Variants in KCNQ5 observed in about 807,000 individuals in gnomAD.
The protein encoded by KCNQ5 is potassium voltage-gated channel subfamily Q member 5, also known as potassium voltage-gated channel subfamily KQT member 5.
KCNQ5 carries 30 observed loss-of-function variants against 98.2 expected under a neutral mutation model. The ratio of observed to expected loss-of-function variants is 0.31; its 90% confidence interval spans 0.23 to 0.41. KCNQ5 has a LOEUF of 0.41. KCNQ5 is among the 10% of genes least tolerant of loss of function. KCNQ5 has a pLI of 1.00. For synonymous variants in KCNQ5, 458 were observed against 449.4 expected (o/e 1.02, Z -0.24); for missense variants, 835 against 1,182.5 (o/e 0.71, Z 4.31).
At chr6:72,771,164 T>A (rs1400053730) in intron 1 of KCNQ5, among the ~76,000 whole-genome samples, 1 of 151,960 alleles carries the variant, frequency 6.6e-6, no homozygotes, top group Non-Finnish European at 1.5e-5. Context: ...GCATGCAGAT[T>A]TAACTGTGGC....
intron 1 of KCNQ5, among the ~76,000 whole-genome samples, chr6:72,643,277 G>T (rs983956821): frequency 6.6e-6 from 1 of 152,004 alleles, no homozygotes; most frequent in African/African-American, 2.4e-5. Context: ...TTTAAAAAAG[G>T]CCTCCTTTGG....
intron 8 of KCNQ5, among the ~76,000 whole-genome samples, chr6:73,124,246 C>G (rs1244513112): frequency 6.6e-6 from 1 of 152,142 alleles, no homozygotes; most frequent in Admixed American, 6.5e-5. Flanking sequence ...GTTTTTTATT[C>G]TATGTGGGCA....
At position 73,104,097 on chromosome 6, in the gene KCNQ5, A is replaced by T. The variant is rs75042747; in HGVS notation, c.919-1160A>T. Among the ~76,000 whole-genome samples, 1,246 of 152,248 alleles carry T rather than the reference A, an allele frequency of 8.2e-3. 18 individuals carry two copies. Among genetic ancestry groups the T allele is most frequent in the African/African-American group, 0.028 (1,181 of 41,558 alleles). On this transcript the variant is annotated intron_variant, in intron 5 of 13. Transcript: ENST00000370398. ...CTATTCAATATAGTAGTGGAAGTCC[A>T]TGCCAGAGCAGTTAGACAAGAGAAA...
chr6:72,754,634 G>A (rs546991654), intron 1 of KCNQ5, among the ~76,000 whole-genome samples: 23 of 151,984 alleles, frequency 1.5e-4, no homozygotes, highest in Non-Finnish European at 2.5e-4. Flanking sequence ...AGGCCCCAAT[G>A]TTGATAGTGC....
At chr6:72,873,504 C>T (rs1778294239) in intron 1 of KCNQ5, among the ~76,000 whole-genome samples, 2 of 152,094 alleles carry the variant, frequency 1.3e-5, no homozygotes, top group Non-Finnish European at 2.9e-5. Context: ...ATACAATCCT[C>T]CAACCTTTTA....
chr6:72,865,054 A>G (rs1777924317), intron 1 of KCNQ5, among the ~76,000 whole-genome samples: 1 of 152,172 alleles, frequency 6.6e-6, no homozygotes, highest in South Asian at 2.1e-4. Context: ...CATCAGTTAC[A>G]TTTCTTCATT....
At chr6:73,079,262 C>A (rs894778010) in intron 5 of KCNQ5, among the ~76,000 whole-genome samples, 7 of 152,192 alleles carry the variant, frequency 4.6e-5, no homozygotes, top group African/African-American at 7.2e-5. Flanking sequence ...TAAAGAATGT[C>A]CATATCGTTT....
intron 3 of KCNQ5, among the ~76,000 whole-genome samples, chr6:73,064,515 A>C (rs1451199765): frequency 6.6e-6 from 1 of 152,146 alleles, no homozygotes; most frequent in Non-Finnish European, 1.5e-5. Flanking sequence ...TCATTGGTGG[A>C]ATCCAAATCT....
chr6:73,070,581 C>G (rs1286915550), intron 3 of KCNQ5, among the ~76,000 whole-genome samples: 1 of 152,160 alleles, frequency 6.6e-6, no homozygotes, highest in Non-Finnish European at 1.5e-5. Flanking sequence ...CTGTTCCATG[C>G]AGTTATTCAG....
chr6:73,068,185 A>G (rs1773150978), intron 3 of KCNQ5, among the ~76,000 whole-genome samples: 2 of 152,092 alleles, frequency 1.3e-5, no homozygotes, highest in South Asian at 2.1e-4. Flanking sequence ...AATCCCAGCT[A>G]CTGGGGAGGC....
chr6:73,083,084 G>A (rs1773846774), intron 5 of KCNQ5, among the ~76,000 whole-genome samples: 1 of 151,946 alleles, frequency 6.6e-6, no homozygotes, highest in African/African-American at 2.4e-5. Flanking sequence ...TGAAGAAAAG[G>A]GGTCTCACCA....
intron 1 of KCNQ5, among the ~76,000 whole-genome samples, chr6:72,859,883 C>T (rs1260284593): frequency 6.6e-6 from 1 of 152,032 alleles, no homozygotes; most frequent in Non-Finnish European, 1.5e-5. Context: ...AGCCACTGTG[C>T]CTGACCTGTT....
At chr6:72,746,296 C>T (rs917208698) in intron 1 of KCNQ5, among the ~76,000 whole-genome samples, 2 of 152,116 alleles carry the variant, frequency 1.3e-5, no homozygotes, top group South Asian at 2.1e-4. Context: ...CCCTTGCTAC[C>T]GATTGCCACC....
At chr6:72,944,833 TG>T (rs1196371631) in intron 1 of KCNQ5, among the ~76,000 whole-genome samples, 2 of 152,196 alleles carry the variant, frequency 1.3e-5, no homozygotes, top group African/African-American at 4.8e-5. Context: ...TCAAAAAGGA[TG>T]CACTGATCAT....
chr6:72,941,575 TTCCC>T (rs1177078630), intron 1 of KCNQ5, among the ~76,000 whole-genome samples: 2 of 90,560 alleles, frequency 2.2e-5, no homozygotes, highest in Admixed American at 1.3e-4. Flanking sequence ...TCCTTCCTCC[TTCCC>T]TCCCTCCCTT....
chr6:72,690,672 A>T lies in KCNQ5; in HGVS notation c.398+68085A>T, dbSNP rs538948969. On this transcript the variant is annotated intron_variant, in intron 1 of 13. Coordinates refer to ENST00000370398, the MANE Select transcript of KCNQ5 (RefSeq NM_019842.4). ...CATCTGTTCCCCCAACTGCATACAG[A>T]ACTCTAATGGGGCAGCCCATGCCTC... 9.7e-4 allele frequency among the ~76,000 whole-genome samples: 147 copies of T among 152,222 alleles called. 1 individual carries two copies. Among genetic ancestry groups the T allele is most frequent in the African/African-American group, 3.3e-3 (137 of 41,536 alleles).
intron 10 of KCNQ5, among the ~76,000 whole-genome samples, chr6:73,146,077 G>A (rs1323305372): frequency 6.6e-6 from 1 of 152,162 alleles, no homozygotes; most frequent in African/African-American, 2.4e-5. Flanking sequence ...GGGATACAGA[G>A]CGAAACCATA....
intron 1 of KCNQ5, among the ~76,000 whole-genome samples, chr6:72,712,296 A>G (rs942012133): frequency 1.3e-5 from 2 of 152,198 alleles, no homozygotes; most frequent in Admixed American, 6.6e-5. Context: ...TGTCACAGAC[A>G]GAAATTCATA....
At chr6:73,094,540 G>T (rs1306129876) in intron 5 of KCNQ5, among the ~76,000 whole-genome samples, 2 of 152,054 alleles carry the variant, frequency 1.3e-5, no homozygotes, top group Admixed American at 1.3e-4. Context: ...CTTTAAAGAG[G>T]TTCTGTTTTG....
Sources: gnomAD v4.1 joint callset for allele counts (sites outside exome capture counted in the v4.1 genomes callset) on GRCh38, gnomAD v4.1.1 for gene constraint, MANE v1.5 for transcripts, NCBI Gene and HGNC (gene_info 2026-07-23, HGNC 2026-07-21) for gene names.